Variants in EIF4E2 observed in about 807,000 individuals in gnomAD.
EIF4E2 encodes eukaryotic translation initiation factor 4E family member 2, also known as eukaryotic translation initiation factor 4E type 2.
Under a neutral mutation model 34.2 loss-of-function variants are expected in EIF4E2, and 13 were observed. The observed-to-expected ratio is 0.38, with a 90% CI of 0.25 to 0.60. EIF4E2 has a LOEUF of 0.60. Ranked by LOEUF, EIF4E2 falls within the 20% of genes least tolerant of loss-of-function variation. EIF4E2 has a pLI of 0.62. For synonymous variants in EIF4E2, 100 were observed against 106.6 expected (o/e 0.94, Z 0.38); for missense variants, 222 against 315.1 (o/e 0.70, Z 2.24).
At chr2:232,551,327 C>T (rs1235789258) in intron 1 of EIF4E2, 1 of 469,810 alleles carries the variant, frequency 2.1e-6, no homozygotes, top group Non-Finnish European at 4.4e-6. Context: ...TCTTCCAACA[C>T]ACTCGCCAAG....
intron 3 of EIF4E2, among the ~76,000 whole-genome samples, chr2:232,559,697 A>T (rs1346216073): frequency 6.6e-6 from 1 of 152,064 alleles, no homozygotes; most frequent in Non-Finnish European, 1.5e-5. Context: ...TAATCCCACC[A>T]CTTGGGGAGG....
intron 6 of EIF4E2, among the ~76,000 whole-genome samples, chr2:232,580,250 GGTTGGTTGGTTT>G (rs1347675041): frequency 2.0e-5 from 3 of 152,104 alleles, no homozygotes; most frequent in Non-Finnish European, 4.4e-5. Context: ...ATTCTTATTT[GGTTGGTTGGTTT>G]GTTGGTTGGT....
chr2:232,553,286 C>T (rs1692410133), intron 1 of EIF4E2, among the ~76,000 whole-genome samples: 1 of 151,984 alleles, frequency 6.6e-6, no homozygotes, highest in African/African-American at 2.4e-5. Context: ...CACAACTGTA[C>T]TTGATTTTGT....
At chr2:232,577,294 A>T (rs115092197) in intron 6 of EIF4E2, among the ~76,000 whole-genome samples, 2,116 of 152,296 alleles carry the variant, frequency 0.014, 31 homozygotes, top group Non-Finnish European at 0.021. Flanking sequence ...GACCATGTGC[A>T]CTTAGGTCTA....
At chr2:232,555,443 C>T (rs770060143) in intron 1 of EIF4E2, among the ~76,000 whole-genome samples, 1 of 152,186 alleles carries the variant, frequency 6.6e-6, no homozygotes, top group Non-Finnish European at 1.5e-5. Context: ...GGGGTAGTTT[C>T]ACTGCTCATG....
downstream of EIF4E2, chr2:232,573,866 G>GT: frequency 2.7e-6 from 1 of 367,024 alleles, no homozygotes; most frequent in Non-Finnish European, 5.4e-6. Context: ...AAGAAAAATT[G>GT]TTTCTACCAC....
intron 1 of EIF4E2, among the ~76,000 whole-genome samples, chr2:232,554,809 A>G (rs564497947): frequency 6.3e-4 from 96 of 152,246 alleles, no homozygotes; most frequent in African/African-American, 2.2e-3. Context: ...CTTTTCTTGC[A>G]TGGGGCCCAT....
chr2:232,568,081 G>A, intron 6 of EIF4E2: 3 of 985,394 alleles, frequency 3.0e-6, no homozygotes, highest in Non-Finnish European at 3.6e-6. Context: ...TTGTGAGGCT[G>A]ATTTAATCTT....
downstream of EIF4E2, among the ~76,000 whole-genome samples, chr2:232,569,476 G>A (rs1452826228): frequency 1.3e-5 from 2 of 152,156 alleles, no homozygotes; most frequent in Non-Finnish European, 2.9e-5. Context: ...TCACACCGAT[G>A]ACCAGAACAG....
chr2:232,576,072 C>T (rs1693210215), intron 6 of EIF4E2, among the ~76,000 whole-genome samples: 1 of 152,038 alleles, frequency 6.6e-6, no homozygotes, highest in Non-Finnish European at 1.5e-5. Context: ...GGCGTGGTGG[C>T]ACACACCTGT....
At chr2:232,570,179 T>A (rs1004582006), downstream of EIF4E2, among the ~76,000 whole-genome samples, 6 of 152,172 alleles carry the variant, frequency 3.9e-5, no homozygotes, top group Admixed American at 3.9e-4. Flanking sequence ...CCATCCTGAC[T>A]TACCTCTGAT....
At chr2:232,564,600 A>G (rs1280949438) in intron 4 of EIF4E2, among the ~76,000 whole-genome samples, 2 of 152,146 alleles carry the variant, frequency 1.3e-5, no homozygotes, top group Non-Finnish European at 2.9e-5. Flanking sequence ...ACAGGCGCCC[A>G]CCACCGCGCC....
rs995014353 is a variant in EIF4E2 at position 232,568,502 on chromosome 2, T to A, written c.666-443T>A. 5.1e-6 allele frequency: 5 copies of A among 977,712 alleles called. No individual in the cohort carries two copies. The African/African-American group carries it at 7.3e-5, about 14-fold the overall frequency. 60.6% of individuals were successfully genotyped at this position (977,712 alleles called of 1,614,324 possible). A position where few individuals can be genotyped will look rare whatever the true frequency, so the allele number is the denominator to read the frequency against. On this transcript the variant is annotated intron_variant, in intron 6 of 6. Transcript: ENST00000258416. ...TGGGATAGAAGTAGTTTCTGACTTC[T>A]AGCCACGTTCAGTCCAGGCTGGAGA...
chr2:232,570,215 A>G (rs1233019180), downstream of EIF4E2, among the ~76,000 whole-genome samples: 1 of 152,028 alleles, frequency 6.6e-6, no homozygotes. Context: ...GATCCTGCAT[A>G]ACACCTATTA....
intron 1 of EIF4E2, among the ~76,000 whole-genome samples, chr2:232,554,067 G>A (rs1692435052): frequency 6.6e-6 from 1 of 152,196 alleles, no homozygotes; most frequent in Admixed American, 6.5e-5. Flanking sequence ...CTGGGCCTAA[G>A]CAGAAGAACC....
intron 6 of EIF4E2, among the ~76,000 whole-genome samples, chr2:232,579,249 C>T (rs1366711022): frequency 6.6e-6 from 1 of 151,998 alleles, no homozygotes; most frequent in African/African-American, 2.4e-5. Flanking sequence ...TCAGAGGGGT[C>T]TATCCTTTTG....
chr2:232,575,661 C>T (rs1467889864), intron 6 of EIF4E2, among the ~76,000 whole-genome samples: 1 of 152,058 alleles, frequency 6.6e-6, no homozygotes, highest in Non-Finnish European at 1.5e-5. Context: ...CATAGAATTC[C>T]AGGAGTGCTG....
At chr2:232,552,752 A>G (rs866024747) in intron 1 of EIF4E2, among the ~76,000 whole-genome samples, 5 of 151,890 alleles carry the variant, frequency 3.3e-5, no homozygotes, top group Non-Finnish European at 5.9e-5. Flanking sequence ...ATTATTAACT[A>G]TTGTATTGAG....
intron 1 of EIF4E2, 60 bp downstream of exon 1, chr2:232,550,804 C>A: frequency 2.7e-6 from 4 of 1,470,142 alleles, no homozygotes; most frequent in Non-Finnish European, 3.7e-6. Context: ...CGCGCCCGCC[C>A]CCGCTGGGGC....
Sources: gnomAD v4.1 joint callset for allele counts (sites outside exome capture counted in the v4.1 genomes callset) on GRCh38, gnomAD v4.1.1 for gene constraint, MANE v1.5 for transcripts, NCBI Gene and HGNC (gene_info 2026-07-23, HGNC 2026-07-21) for gene names.